Variants in RIT2 observed in about 807,000 individuals in gnomAD.
RIT2 encodes GTP-binding protein Rit2.
A neutral mutation model predicts 23.7 loss-of-function variants in RIT2; 24 were observed. That is an observed-to-expected ratio of 1.01 (90% confidence interval 0.73 to 1.43). The LOEUF is 1.43. Ranked by LOEUF, RIT2 falls within the 40% of genes most tolerant of loss-of-function variation. The pLI, the probability that RIT2 is intolerant of heterozygous loss-of-function variation, is 0.00. For synonymous variants in RIT2, 107 were observed against 91.1 expected (o/e 1.17, Z -0.99); for missense variants, 236 against 266.9 (o/e 0.88, Z 0.81).
At chr18:42,755,319 C>A (rs980969810) in intron 4 of RIT2, among the ~76,000 whole-genome samples, 2 of 152,152 alleles carry the variant, frequency 1.3e-5, no homozygotes, top group African/African-American at 4.8e-5. Context: ...TATATCCTAT[C>A]ATATTCGATA....
intron 1 of RIT2, among the ~76,000 whole-genome samples, chr18:43,057,442 T>C (rs1247568404): frequency 6.6e-6 from 1 of 152,210 alleles, no homozygotes; most frequent in African/African-American, 2.4e-5. Context: ...CATACTTTCT[T>C]AATATTACTT....
At chr18:42,944,478 G>C (rs1909677432) in intron 3 of RIT2, among the ~76,000 whole-genome samples, 2 of 152,054 alleles carry the variant, frequency 1.3e-5, no homozygotes, top group African/African-American at 4.8e-5. Context: ...TGATCACTGA[G>C]TCTTAGGAAG....
intron 4 of RIT2, among the ~76,000 whole-genome samples, chr18:42,811,756 G>A (rs1317154854): frequency 6.6e-6 from 1 of 151,986 alleles, no homozygotes; most frequent in African/African-American, 2.4e-5. Context: ...GCATGACAAG[G>A]TGCTAGAATG....
chr18:43,113,637 CA>C (rs139673714), intron 1 of RIT2, among the ~76,000 whole-genome samples: 1 of 152,234 alleles, frequency 6.6e-6, no homozygotes, highest in African/African-American at 2.4e-5. Flanking sequence ...AGCAATATCA[CA>C]AGAAAAGTGT....
At chr18:42,775,074 G>A (rs760300819) in intron 4 of RIT2, among the ~76,000 whole-genome samples, 2 of 152,142 alleles carry the variant, frequency 1.3e-5, no homozygotes, top group Non-Finnish European at 2.9e-5. Flanking sequence ...ATAACAGGGA[G>A]TCCAAGTCTT....
intron 4 of RIT2, among the ~76,000 whole-genome samples, chr18:42,750,046 C>G (rs580194): frequency 0.54 from 81,961 of 151,600 alleles, 24,985 homozygotes; most frequent in Middle Eastern, 0.71. Context: ...AAATGACATA[C>G]TATTATATAC....
At chr18:43,101,620 T>A (rs1913686694) in intron 1 of RIT2, among the ~76,000 whole-genome samples, 2 of 152,222 alleles carry the variant, frequency 1.3e-5, no homozygotes, top group Admixed American at 6.5e-5. Context: ...TGCCTGTCCC[T>A]CTTCAAAGTC....
rs1298923972 is a variant in RIT2, at chr18:42,764,857, T to C, written c.427-21137A>G. Among the ~76,000 whole-genome samples the C allele has an allele frequency of 3.3e-5, 5 of 152,368 alleles. No individual in the cohort carries two copies. The East Asian group carries it at 7.7e-4, about 24-fold the overall frequency. On this transcript the variant is annotated intron_variant, in intron 4 of 4. Transcript: ENST00000326695. ...ATAAATAATTAAAACAAAAGTTTGC[T>C]TAAAAAACTAATTTGTGATGCAGTC...
chr18:42,955,918 A>C (rs1909961182), intron 3 of RIT2, among the ~76,000 whole-genome samples: 1 of 152,126 alleles, frequency 6.6e-6, no homozygotes, highest in South Asian at 2.1e-4. Context: ...TGGAAAATTC[A>C]TTTAGTCTTT....
chr18:42,981,142 G>A (rs1352729848), intron 2 of RIT2, among the ~76,000 whole-genome samples: 2 of 151,934 alleles, frequency 1.3e-5, no homozygotes, highest in Non-Finnish European at 2.9e-5. Flanking sequence ...TTATTGCTTG[G>A]GGATGAAGGG....
chr18:42,798,642 G>A (rs1905440246), intron 4 of RIT2, among the ~76,000 whole-genome samples: 1 of 152,208 alleles, frequency 6.6e-6, no homozygotes, highest in Non-Finnish European at 1.5e-5. Flanking sequence ...AACTTGTCAA[G>A]GGACATGACA....
intron 4 of RIT2, among the ~76,000 whole-genome samples, chr18:42,896,249 A>G (rs974655954): frequency 6.6e-6 from 1 of 152,192 alleles, no homozygotes; most frequent in Non-Finnish European, 1.5e-5. Flanking sequence ...GGGCAACAAG[A>G]GTGAAACTCC....
chr18:42,896,308 G>C (rs1216715072), intron 4 of RIT2, among the ~76,000 whole-genome samples: 1 of 152,214 alleles, frequency 6.6e-6, no homozygotes, highest in East Asian at 1.9e-4. Flanking sequence ...TCACTTGTGA[G>C]AAGGCATGGA....
intron 4 of RIT2, among the ~76,000 whole-genome samples, chr18:42,787,168 G>T (rs549400429): frequency 8.1e-6 from 1 of 123,662 alleles, no homozygotes; most frequent in Non-Finnish European, 1.6e-5. Context: ...TGTGATGTTT[G>T]CCTTCCTGTG....
chr18:43,087,184 G>A (rs1913304278), intron 1 of RIT2, among the ~76,000 whole-genome samples: 1 of 152,074 alleles, frequency 6.6e-6, no homozygotes, highest in South Asian at 2.1e-4. Flanking sequence ...GGAGGTTGCA[G>A]TGAGCTGAGA....
intron 3 of RIT2, among the ~76,000 whole-genome samples, chr18:42,949,736 G>A (rs1420866863): frequency 1.3e-5 from 2 of 151,966 alleles, no homozygotes; most frequent in Admixed American, 1.3e-4. Flanking sequence ...GGGGCTTTGG[G>A]ATTAATAATC....
At chr18:42,761,058 T>C (rs1243628479) in intron 4 of RIT2, among the ~76,000 whole-genome samples, 1 of 152,244 alleles carries the variant, frequency 6.6e-6, no homozygotes, top group Non-Finnish European at 1.5e-5. Flanking sequence ...GCAATCACAG[T>C]TATGTTTAAT....
At chr18:42,964,593 G>A (rs1438577392) in intron 3 of RIT2, among the ~76,000 whole-genome samples, 3 of 152,244 alleles carry the variant, frequency 2.0e-5, no homozygotes, top group East Asian at 1.9e-4. Context: ...TGAGCCAGAC[G>A]AAGGCATGAA....
chr18:42,968,960 A>G (rs1288586440), intron 3 of RIT2, among the ~76,000 whole-genome samples: 3 of 152,150 alleles, frequency 2.0e-5, no homozygotes, highest in African/African-American at 7.2e-5. Flanking sequence ...AGGATAATAT[A>G]TGAATTTGAA....
Sources: gnomAD v4.1 joint callset for allele counts (sites outside exome capture counted in the v4.1 genomes callset) on GRCh38, gnomAD v4.1.1 for gene constraint, MANE v1.5 for transcripts, NCBI Gene and HGNC (gene_info 2026-07-23, HGNC 2026-07-21) for gene names.